Variants in SORL1 observed in about 807,000 individuals in gnomAD.
The protein encoded by SORL1 is sortilin related receptor 1.
Under a neutral mutation model 273.7 loss-of-function variants are expected in SORL1, and 127 were observed. That is an observed-to-expected ratio of 0.46 (90% CI 0.40 to 0.54). The LOEUF is 0.54. Ranked by LOEUF, SORL1 falls within the 20% of genes least tolerant of loss-of-function variation. The pLI is 0.00. For synonymous variants in SORL1, 1,031 were observed against 1,067.4 expected (o/e 0.97, Z 0.66); for missense variants, 2,494 against 2,846.1 (o/e 0.88, Z 2.81).
chr11:121,628,582 A>G (rs1863831959), intron 47 of SORL1, among the ~76,000 whole-genome samples: 1 of 152,146 alleles, frequency 6.6e-6, no homozygotes, highest in South Asian at 2.1e-4. Flanking sequence ...CGGCCCGGGC[A>G]TTGGGGATCC....
intron 4 of SORL1, 95 bp downstream of exon 4, chr11:121,488,288 G>C: frequency 8.2e-7 from 1 of 1,222,652 alleles, no homozygotes; most frequent in East Asian, 2.3e-5. Context: ...CTCGCCTCCT[G>C]CCTCTCCCTC....
chr11:121,546,466 T>C (rs540484097), intron 14 of SORL1, among the ~76,000 whole-genome samples: 45 of 152,232 alleles, frequency 3.0e-4, no homozygotes, highest in African/African-American at 1.0e-3. Flanking sequence ...CATTGTAGTT[T>C]AGTCAGGAGC....
In SORL1 at chr11:121,595,643, A is replaced by C. The variant is rs776277098; in HGVS notation, c.4390A>C (p.Thr1464Pro). The change falls in exon 32 of 48, where the codon ACT becomes CCT. Residue 1464 changes from threonine (T) to proline (P), a missense_variant. Physicochemically the swap from Thr to Pro is conservative, Grantham distance 38. Coordinates refer to ENST00000260197, the MANE Select transcript of SORL1 (RefSeq NM_003105.6). The surrounding 1 kb of genome is among the most constrained non-coding windows in gnomAD (Gnocchi z 5.1). ...TTTAGCAAACGTCACTGCTGCCTCCACTCCCACCCAACTTGGGCGATGTGA... is the reference window on the plus strand; with the variant it reads ...TTTAGCAAACGTCACTGCTGCCTCCCCTCCCACCCAACTTGGGCGATGTGA... Reference protein sequence around the residue: ...PLLANVTAASTPTQLGRCDRF... With the variant: ...PLLANVTAASPPTQLGRCDRF... 4 of 1,608,444 alleles carry C rather than the reference A, an allele frequency of 2.5e-6. No homozygotes were observed. In the African/African-American group the frequency reaches 5.4e-5, roughly 22 times the overall value.
rs1862064346 is a variant in SORL1, at chr11:121,522,999, C to T, written c.1596+10C>T. ...AGCCAGGTGGCGAGAGGTCAGCCCC[C>T]TCCCCCAATCCCGTCCCCTCCACCC... is the stretch of plus-strand genomic sequence containing the variant. On this transcript the variant is annotated intron_variant, in intron 11 of 47. Coordinates refer to ENST00000260197, the MANE Select transcript of SORL1 (RefSeq NM_003105.6). 2.5e-6 allele frequency: 4 copies of T among 1,586,984 alleles called. No individual in the cohort carries two copies. Among genetic ancestry groups the T allele is most frequent in the African/African-American group, 1.3e-5 (1 of 74,386 alleles).
intron 12 of SORL1, among the ~76,000 whole-genome samples, chr11:121,542,131 A>G (rs972382717): frequency 7.2e-5 from 11 of 152,200 alleles, no homozygotes; most frequent in Admixed American, 3.3e-4. Context: ...AAAGTTGCAG[A>G]CATCATGCTC....
intron 25 of SORL1, among the ~76,000 whole-genome samples, chr11:121,581,729 G>A (rs533856568): frequency 8.5e-5 from 13 of 152,306 alleles, no homozygotes; most frequent in Non-Finnish European, 1.8e-4. Flanking sequence ...AGAATCTGGA[G>A]ATCTCAGCCA....
At position 121,558,741 on chromosome 11, in the gene SORL1, C is replaced by G; in HGVS notation, c.2814C>G (p.Ala938=). Residue 938 remains alanine, a synonymous_variant, in exon 20 of 48, where the codon GCC becomes GCG. Coordinates refer to ENST00000260197, the MANE Select transcript of SORL1 (RefSeq NM_003105.6). ...ACCAGTGGATTTACTGGACGGATGC[C>G]TACCTGGAGTGCATAGAGCGGATCA... ...VDDQWIYWTD[A]YLECIERITF... 1 of 1,614,160 alleles carries G rather than the reference C, an allele frequency of 6.2e-7. No homozygotes were observed. The highest frequency in any genetic ancestry group is 8.5e-7 in the Non-Finnish European group (1 of 1,180,030).
At chr11:121,518,960 T>A (rs1247456613) in intron 8 of SORL1, among the ~76,000 whole-genome samples, 1 of 150,926 alleles carries the variant, frequency 6.6e-6, no homozygotes, top group African/African-American at 2.4e-5. Flanking sequence ...TCTTTTTTTT[T>A]TTTTTTGAGT....
chr11:121,586,693 T>TGGGGGGGGGGGGGGGGGGGGGGGGGG (rs376563096), intron 27 of SORL1, among the ~76,000 whole-genome samples: 1 of 97,160 alleles, frequency 1.0e-5, no homozygotes. Flanking sequence ...GGGGGTAGAG[T>TGGGGGGGGGGGGGGGGGGGGGGGGGG]GGGGGGGGGG....
intron 1 of SORL1, among the ~76,000 whole-genome samples, chr11:121,460,152 C>A (rs544494978): frequency 2.0e-5 from 3 of 152,118 alleles, no homozygotes; most frequent in Admixed American, 6.5e-5. Flanking sequence ...TTATCTCCCC[C>A]CCTTTCTGGG....
chr11:121,606,851 A>T lies in SORL1; in HGVS notation c.4955A>T (p.Asp1652Val). 1 of 1,613,370 alleles carries T rather than the reference A, an allele frequency of 6.2e-7. No individual in the cohort carries two copies. Among genetic ancestry groups the T allele is most frequent in the Non-Finnish European group, 8.5e-7 (1 of 1,179,310 alleles). The change falls in exon 36 of 48, where the codon GAT becomes GTT. Residue 1652 changes from aspartate (D) to valine (V), a missense_variant. Asp to Val is a radical substitution (Grantham distance 152). This residue lies in a region of SORL1 where 1,609 missense variants were observed against 1,816.4 expected (regional missense o/e 0.89). Coordinates refer to ENST00000260197, the MANE Select transcript of SORL1 (RefSeq NM_003105.6). ...VTLRTPEGLP[D>V]APRNLQLSLP... The stretch of plus-strand genomic sequence containing the variant: ...GAGTTGACTCTTTTTCTAGTGCCAG[A>T]TGCCCCTCGAAATCTCCAGCTGTCA...
intron 11 of SORL1, among the ~76,000 whole-genome samples, chr11:121,524,361 G>A (rs1862087710): frequency 6.6e-6 from 1 of 152,242 alleles, no homozygotes; most frequent in Admixed American, 6.5e-5. Flanking sequence ...CCAGTGAAGT[G>A]GTATCGTCTG....
intron 8 of SORL1, among the ~76,000 whole-genome samples, chr11:121,519,402 T>C (rs1862003122): frequency 6.6e-6 from 1 of 151,780 alleles, no homozygotes; most frequent in Admixed American, 6.6e-5. Flanking sequence ...GAAACCCATA[T>C]TCTCTCTCTC....
intron 40 of SORL1, among the ~76,000 whole-genome samples, chr11:121,613,967 T>C (rs1863605178): frequency 6.6e-6 from 1 of 152,244 alleles, no homozygotes; most frequent in African/African-American, 2.4e-5. Flanking sequence ...GTAAGTGCTG[T>C]TATTTTTTTC....
chr11:121,509,697 G>T (rs1028301832), intron 6 of SORL1, among the ~76,000 whole-genome samples: 1 of 152,052 alleles, frequency 6.6e-6, no homozygotes, highest in Non-Finnish European at 1.5e-5. Flanking sequence ...GGATGATCTT[G>T]ATCTCTTGAC....
At chr11:121,613,821 A>G (rs1461413359) in intron 40 of SORL1, among the ~76,000 whole-genome samples, 1 of 152,228 alleles carries the variant, frequency 6.6e-6, no homozygotes. Flanking sequence ...TTGCCCCAGT[A>G]GAAACTGGCA....
chr11:121,503,680 A>G (rs1565317464), intron 6 of SORL1, among the ~76,000 whole-genome samples: 2 of 152,088 alleles, frequency 1.3e-5, no homozygotes, highest in South Asian at 2.1e-4. Flanking sequence ...GGGTCTCACT[A>G]TGTTGCCCAG....
At chr11:121,529,969 G>C (rs1862178847) in intron 11 of SORL1, among the ~76,000 whole-genome samples, 1 of 151,918 alleles carries the variant, frequency 6.6e-6, no homozygotes, top group East Asian at 1.9e-4. Context: ...GCTTATCTAT[G>C]TGTATTTCTA....
At position 121,452,392 on chromosome 11, in the gene SORL1, C is replaced by A; in HGVS notation, c.61C>A (p.Leu21Met). 6.5e-7 allele frequency: 1 copy of A among 1,542,490 alleles called. No individual in the cohort carries two copies. The highest frequency in any genetic ancestry group is 1.2e-5 in the South Asian group (1 of 82,784). Reference protein sequence around the residue: ...RLPFLFTLVALLPPGALCEVW... With the variant: ...RLPFLFTLVAMLPPGALCEVW... ...CCCGTTCCTATTCACCCTGGTCGCA[C>A]TGCTGCCGCCCGGAGCTCTCTGCGA... The change falls in exon 1 of 48, where the codon CTG becomes ATG. Residue 21 changes from leucine to methionine, a missense_variant. Coordinates refer to ENST00000260197, the MANE Select transcript of SORL1 (RefSeq NM_003105.6). This position sits in a 1 kb window ranked among gnomAD's most constrained non-coding sequence, Gnocchi z 5.3.
Sources: gnomAD v4.1 joint callset for allele counts (sites outside exome capture counted in the v4.1 genomes callset) on GRCh38, gnomAD v4.1.1 for gene constraint, gnomAD v4.1.1 regional missense constraint, Gnocchi (gnomAD v3.1) non-coding constraint, MANE v1.5 for transcripts, NCBI Gene and HGNC (gene_info 2026-07-23, HGNC 2026-07-21) for gene names.